The following ABCA13 variants were observed in gnomAD, a reference collection of about 807,000 sequenced individuals.
ABCA13 encodes the protein ATP-binding cassette sub-family A member 13.
ABCA13 carries 476 observed loss-of-function variants against 478.7 expected under a neutral mutation model. The ratio of observed to expected loss-of-function variants is 0.99; its 90% CI spans 0.92 to 1.07. ABCA13 has a LOEUF of 1.07. ABCA13 is among the 50% of genes least tolerant of loss of function. The probability of loss-of-function intolerance (pLI) is 0.00; values close to 1 mark genes in which losing one functional copy is unlikely to be tolerated. For synonymous variants in ABCA13, 2,252 were observed against 2,158.9 expected, an observed-to-expected ratio of 1.04 and a Z score of -1.20; for missense variants, 6,060 against 5,910.6, an observed-to-expected ratio of 1.03 and a Z score of -0.83.
chr7:48,290,628 C>T (rs979169173), intron 20 of ABCA13, among the ~76,000 whole-genome samples: 5 of 152,104 alleles, frequency 3.3e-5, no homozygotes, highest in Non-Finnish European at 7.4e-5. Flanking sequence ...AGAATAACAT[C>T]CATAGCAGGA....
At chr7:48,318,498 GCTAA>G (rs1355177847) in intron 27 of ABCA13, among the ~76,000 whole-genome samples, 2 of 148,480 alleles carry the variant, frequency 1.3e-5, no homozygotes, top group Middle Eastern at 3.5e-3. Flanking sequence ...CCCACGCCCT[GCTAA>G]CTTTTTAGTT....
At chr7:48,281,268 A>T in intron 18 of ABCA13, 75 bp from the exon 19 acceptor site, 1 of 1,213,170 alleles carries the variant, frequency 8.2e-7, no homozygotes, top group Non-Finnish European at 1.2e-6. Flanking sequence ...GTTATAACTT[A>T]ACCTACACAG....
intron 35 of ABCA13, among the ~76,000 whole-genome samples, chr7:48,381,510 T>C (rs140071882): frequency 4.6e-5 from 7 of 152,254 alleles, no homozygotes; most frequent in East Asian, 1.9e-4. Flanking sequence ...ACTGGGAGAC[T>C]CTGTAGATCC....
At chr7:48,597,015 G>A (rs751534829) in intron 58 of ABCA13, among the ~76,000 whole-genome samples, 58 of 150,666 alleles carry the variant, frequency 3.8e-4, no homozygotes, top group Non-Finnish European at 6.9e-4. Flanking sequence ...GCAGTGGCAC[G>A]ATCTTGGCTC....
chr7:48,303,585 T>C (rs1343420452), intron 23 of ABCA13, among the ~76,000 whole-genome samples: 2 of 152,178 alleles, frequency 1.3e-5, no homozygotes, highest in Admixed American at 6.5e-5. Context: ...ATTTATTGAA[T>C]AGGGAATCTT....
intron 34 of ABCA13, among the ~76,000 whole-genome samples, chr7:48,375,739 T>G (rs922906492): frequency 2.0e-5 from 3 of 152,148 alleles, no homozygotes; most frequent in Admixed American, 6.5e-5. Context: ...TTCAATAAGA[T>G]GTATTAAAAT....
At chr7:48,337,769 G>A (rs1000783641) in intron 28 of ABCA13, among the ~76,000 whole-genome samples, 1 of 152,192 alleles carries the variant, frequency 6.6e-6, no homozygotes, top group African/African-American at 2.4e-5. Context: ...GCAAAATAAA[G>A]GGGCAAGATG....
intron 1 of ABCA13, among the ~76,000 whole-genome samples, chr7:48,179,980 C>G (rs948072836): frequency 6.6e-6 from 1 of 152,046 alleles, no homozygotes; most frequent in Non-Finnish European, 1.5e-5. Context: ...GTGGGTAACT[C>G]GCACAGGCCC....
chr7:48,273,556 A>T lies in ABCA13; in HGVS notation c.3890A>T (p.Tyr1297Phe), dbSNP rs567861570. The change falls in exon 17 of 62, where the codon TAT becomes TTT. Residue 1297 changes from tyrosine to phenylalanine, a missense_variant. Physicochemically the swap from Tyr to Phe is conservative, Grantham distance 22. Around this residue, in one of 3 missense-constraint regions of ABCA13, gnomAD observed 4,423 missense variants for 4,309.1 expected, o/e 1.03. Coordinates refer to ENST00000435803, the MANE Select transcript of ABCA13 (RefSeq NM_152701.5). Reference sequence around the variant, plus strand: ...ATTGAGTTTAGCAGTACCTCAGAATATATAGTCAGAAATCTAGATTCAATA... The same window carrying T: ...ATTGAGTTTAGCAGTACCTCAGAATTTATAGTCAGAAATCTAGATTCAATA... ...VFIEFSSTSE[Y>F]IVRNLDSIND... 3 of 1,582,406 alleles carry T rather than the reference A, an allele frequency of 1.9e-6. No homozygotes were observed. In the African/African-American group the frequency reaches 4.0e-5, roughly 21 times the overall value.
At chr7:48,192,512 G>T (rs1236647457) in intron 1 of ABCA13, among the ~76,000 whole-genome samples, 1 of 152,014 alleles carries the variant, frequency 6.6e-6, no homozygotes, top group African/African-American at 2.4e-5. Context: ...ATCTTGTTTG[G>T]CAATATTGAA....
chr7:48,496,517 T>A (rs1830292059), intron 48 of ABCA13, among the ~76,000 whole-genome samples: 1 of 152,164 alleles, frequency 6.6e-6, no homozygotes, highest in African/African-American at 2.4e-5. Context: ...CTTCTATTTT[T>A]AACGTATCTT....
intron 5 of ABCA13, among the ~76,000 whole-genome samples, chr7:48,222,119 T>C (rs887420333): frequency 6.6e-6 from 1 of 152,164 alleles, no homozygotes. Context: ...TGGATTGGAA[T>C]GAAGCAAGAA....
chr7:48,633,919 G>GATAGATAGATAC (rs769652369), intron 59 of ABCA13, among the ~76,000 whole-genome samples: 9,621 of 133,552 alleles, frequency 0.072, 383 homozygotes, highest in Middle Eastern at 0.11. Flanking sequence ...TAGATACATA[G>GATAGATAGATAC]ATAGATAGAT....
intron 3 of ABCA13, among the ~76,000 whole-genome samples, chr7:48,215,020 T>G (rs1786232088): frequency 6.6e-6 from 1 of 152,176 alleles, no homozygotes; most frequent in African/African-American, 2.4e-5. Context: ...ACTTAATAAT[T>G]CTTAATCATT....
At chr7:48,260,106 TGTGTC>T (rs1243710305) in intron 15 of ABCA13, among the ~76,000 whole-genome samples, 1 of 152,080 alleles carries the variant, frequency 6.6e-6, no homozygotes, top group Non-Finnish European at 1.5e-5. Flanking sequence ...ATTTCTGAAG[TGTGTC>T]ATTTCAGCCA....
intron 15 of ABCA13, among the ~76,000 whole-genome samples, chr7:48,265,589 C>A (rs11983863): frequency 1.5e-4 from 22 of 151,088 alleles, no homozygotes; most frequent in Middle Eastern, 3.4e-3. Flanking sequence ...GTTGCTCATA[C>A]AAATATATAT....
chr7:48,254,191 T>C (rs1793023095), intron 15 of ABCA13, among the ~76,000 whole-genome samples: 1 of 152,114 alleles, frequency 6.6e-6, no homozygotes, highest in Non-Finnish European at 1.5e-5. Flanking sequence ...CTTCAATAAT[T>C]TTATTTTCTG....
intron 33 of ABCA13, among the ~76,000 whole-genome samples, chr7:48,373,804 C>T (rs1813029394): frequency 6.6e-6 from 1 of 152,120 alleles, no homozygotes; most frequent in Non-Finnish European, 1.5e-5. Flanking sequence ...TATTCAAATG[C>T]TTTCTAGCAA....
chr7:48,627,085 A>C, intron 59 of ABCA13: 1 of 973,310 alleles, frequency 1.0e-6, no homozygotes, highest in Non-Finnish European at 1.2e-6. Context: ...AAATATAGGC[A>C]ATTTGCCAAA....
Sources: gnomAD v4.1 joint callset for allele counts (sites outside exome capture counted in the v4.1 genomes callset) on GRCh38, gnomAD v4.1.1 for gene constraint, gnomAD v4.1.1 regional missense constraint, MANE v1.5 for transcripts, NCBI Gene and HGNC (gene_info 2026-07-23, HGNC 2026-07-21) for gene names.